The following MPPED1 variants were observed in gnomAD, a reference collection of about 807,000 sequenced individuals.
MPPED1 encodes the protein metallophosphoesterase domain containing 1, also known as metallophosphoesterase domain-containing protein 1.
MPPED1 carries 16 observed loss-of-function variants against 36.2 expected under a neutral mutation model. The observed-to-expected ratio is 0.44, with a 90% CI of 0.30 to 0.67. The LOEUF is 0.67. MPPED1 is among the 30% of genes least tolerant of loss of function. MPPED1 has a pLI of 0.10. For missense variants in MPPED1, 307 were observed against 453.4 expected, an observed-to-expected ratio of 0.68 and a Z score of 2.93; for synonymous variants, 199 against 191.3, an observed-to-expected ratio of 1.04 and a Z score of -0.33.
chr22:43,423,096 C>T (rs1000450424), intron 1 of MPPED1, among the ~76,000 whole-genome samples: 2 of 152,162 alleles, frequency 1.3e-5, no homozygotes, highest in African/African-American at 4.8e-5. Flanking sequence ...CTCAGCCTCC[C>T]GAAGTGCTGG....
chr22:43,436,798 G>T lies in MPPED1; in HGVS notation c.406+1583G>T, dbSNP rs371034284. On this transcript the variant is annotated intron_variant, in intron 3 of 6. Transcript: ENST00000443721. ...CTGTGTGCCAGGCACGGGGTGGCAG[G>T]CTCTTACCACCTCTGCCTTGTTGAA... Among the ~76,000 whole-genome samples the T allele has an allele frequency of 2.6e-5, 4 of 152,368 alleles. No homozygotes were observed. The East Asian group carries it at 7.7e-4, about 29-fold the overall frequency.
chr22:43,416,100 C>T (rs980602161), intron 1 of MPPED1, among the ~76,000 whole-genome samples: 6 of 152,190 alleles, frequency 3.9e-5, no homozygotes, highest in Admixed American at 6.5e-5. Flanking sequence ...CCTGACAAAG[C>T]GCTTTTTAGT....
intron 5 of MPPED1, among the ~76,000 whole-genome samples, chr22:43,500,841 C>G (rs1196330343): frequency 6.6e-6 from 1 of 152,040 alleles, no homozygotes; most frequent in East Asian, 1.9e-4. Flanking sequence ...GGAGAGATGA[C>G]TGCTGTTAGG....
chr22:43,416,664 A>G (rs1929084493), intron 1 of MPPED1: 1 of 152,156 alleles, frequency 6.6e-6, no homozygotes, highest in African/African-American at 2.4e-5. Context: ...ACAGCTTCCC[A>G]TTTCAACTCC....
chr22:43,426,069 T>C (rs1929457862), intron 2 of MPPED1, among the ~76,000 whole-genome samples: 1 of 152,020 alleles, frequency 6.6e-6, no homozygotes, highest in African/African-American at 2.4e-5. Context: ...TTTATCCCCA[T>C]TGCTTCTCCC....
At chr22:43,494,437 G>A (rs139816776) in intron 4 of MPPED1, among the ~76,000 whole-genome samples, 1 of 152,268 alleles carries the variant, frequency 6.6e-6, no homozygotes, top group Non-Finnish European at 1.5e-5. Context: ...GATCCTGGTT[G>A]TTCTTTAGCT....
chr22:43,492,575 GC>G (rs767822246), intron 4 of MPPED1, among the ~76,000 whole-genome samples: 11 of 152,096 alleles, frequency 7.2e-5, no homozygotes, highest in Non-Finnish European at 1.5e-4. Flanking sequence ...GCTCTTCTGT[GC>G]CCTGCCCCTC....
chr22:43,505,130 G>A (rs1377887493), intron 6 of MPPED1, among the ~76,000 whole-genome samples: 3 of 150,974 alleles, frequency 2.0e-5, no homozygotes, highest in South Asian at 2.1e-4. Context: ...TGATGATCAC[G>A]ATAAGGGTGG....
chr22:43,429,363 C>T (rs1929593607), intron 2 of MPPED1, among the ~76,000 whole-genome samples: 1 of 152,242 alleles, frequency 6.6e-6, no homozygotes, highest in African/African-American at 2.4e-5. Flanking sequence ...GGAGGACTCA[C>T]ACCCCGGCAC....
At chr22:43,479,465 G>A (rs755790308) in intron 4 of MPPED1, among the ~76,000 whole-genome samples, 1 of 152,244 alleles carries the variant, frequency 6.6e-6, no homozygotes, top group Non-Finnish European at 1.5e-5. Flanking sequence ...AGGACAGAGG[G>A]AAGTGACAGG....
intron 3 of MPPED1, among the ~76,000 whole-genome samples, chr22:43,457,480 A>T (rs1287979009): frequency 6.6e-6 from 1 of 152,066 alleles, no homozygotes; most frequent in African/African-American, 2.4e-5. Context: ...CCTTCTTTTG[A>T]CTGTACTGTT....
intron 1 of MPPED1, 64 bp downstream of exon 1, chr22:43,412,222 G>T: frequency 1.1e-6 from 1 of 901,782 alleles, no homozygotes; most frequent in South Asian, 4.9e-5. Flanking sequence ...GGGCGCGGCC[G>T]GGACCCTCTC....
chr22:43,443,181 C>T (rs1227155268), intron 3 of MPPED1, among the ~76,000 whole-genome samples: 2 of 152,172 alleles, frequency 1.3e-5, no homozygotes, highest in African/African-American at 4.8e-5. Flanking sequence ...GGGTCATGCA[C>T]GGAGAAGGAC....
chr22:43,470,482 C>CTG (rs1288886208), intron 3 of MPPED1, among the ~76,000 whole-genome samples: 1 of 152,236 alleles, frequency 6.6e-6, no homozygotes, highest in East Asian at 1.9e-4. Context: ...ATGTGTGCAT[C>CTG]TACATATCCA....
chr22:43,445,946 CT>C (rs1319526717), intron 3 of MPPED1, among the ~76,000 whole-genome samples: 3 of 144,590 alleles, frequency 2.1e-5, no homozygotes, highest in Non-Finnish European at 3.0e-5. Context: ...TCATGGCGCA[CT>C]GCAGCCTCAA....
chr22:43,447,884 T>TATATATATATATATATATATA (rs1491157280), intron 3 of MPPED1, among the ~76,000 whole-genome samples: 50 of 46,158 alleles, frequency 1.1e-3, no homozygotes, highest in African/African-American at 3.6e-3. Context: ...TATATATATA[T>TATATATATATATATATATATA]TTTTTTTTTT....
intron 3 of MPPED1, among the ~76,000 whole-genome samples, chr22:43,438,123 C>A (rs1930027638): frequency 6.6e-6 from 1 of 152,178 alleles, no homozygotes; most frequent in South Asian, 2.1e-4. Flanking sequence ...CCCCACTCAG[C>A]CTGATGCGAG....
intron 3 of MPPED1, among the ~76,000 whole-genome samples, chr22:43,471,194 A>C (rs1317281610): frequency 1.3e-5 from 2 of 152,260 alleles, no homozygotes; most frequent in Non-Finnish European, 2.9e-5. Context: ...TAACACCCCC[A>C]GTCAAAGACA....
chr22:43,495,539 ATGGTGG>A (rs1569088755), intron 4 of MPPED1, among the ~76,000 whole-genome samples: 4 of 12,378 alleles, frequency 3.2e-4, no homozygotes, highest in Non-Finnish European at 2.7e-4. Context: ...GGTGGTGGAG[ATGGTGG>A]TGGTGGAGAT....
Sources: allele counts gnomAD v4.1 joint callset (sites outside exome capture counted in the v4.1 genomes callset), GRCh38; gene constraint gnomAD v4.1.1; transcripts MANE v1.5; gene names NCBI Gene and HGNC (gene_info 2026-07-23, HGNC 2026-07-21).